Variants in CLSTN2 observed in about 807,000 individuals in gnomAD.
CLSTN2 encodes the protein calsyntenin-2.
CLSTN2 carries 48 observed loss-of-function variants against 101.2 expected under a neutral mutation model. The observed-to-expected ratio is 0.47, with a 90% CI of 0.38 to 0.60. CLSTN2 has a LOEUF of 0.60. Among genes scored for constraint, CLSTN2 ranks in the 20% least tolerant of loss-of-function variants. The pLI is 0.00. For missense variants in CLSTN2, 1,160 were observed against 1,238.2 expected (o/e 0.94, Z 0.95); for synonymous variants, 481 against 463.6 (o/e 1.04, Z -0.48).
chr3:140,236,009 A>C (rs932941873), intron 2 of CLSTN2, among the ~76,000 whole-genome samples: 1 of 152,118 alleles, frequency 6.6e-6, no homozygotes, highest in African/African-American at 2.4e-5. Context: ...TCCTGCCTGC[A>C]ACTCATTCTG....
chr3:140,262,762 G>A (rs934211272), intron 2 of CLSTN2, among the ~76,000 whole-genome samples: 2 of 152,146 alleles, frequency 1.3e-5, no homozygotes, highest in African/African-American at 4.8e-5. Context: ...AAAGGTTTTT[G>A]GTCTGGAAGC....
Position 140,532,342 on chromosome 3 carries a change from C to T in CLSTN2, c.1363C>T (p.His455Tyr). ...KLDQICDKEW[H>Y]YYVINVEFPV... is the part of the protein sequence containing the mutation. ...TTCTTAGATTTGTGACAAAGAGTGG[C>T]ACTACTATGTCATCAATGTGGAGTT... Residue 455 changes from histidine (H) to tyrosine (Y), a missense_variant, in exon 9 of 17, where the codon CAC becomes TAC. Transcript: ENST00000458420. 2.5e-6 allele frequency: 4 copies of T among 1,598,160 alleles called. No homozygotes were observed. Among genetic ancestry groups the T allele is most frequent in the Non-Finnish European group, 3.4e-6 (4 of 1,171,234 alleles).
intron 2 of CLSTN2, among the ~76,000 whole-genome samples, chr3:140,219,259 T>C (rs1464464037): frequency 1.3e-5 from 2 of 152,050 alleles, no homozygotes; most frequent in African/African-American, 4.8e-5. Context: ...GGGCCTCACA[T>C]GTGCAGCCAA....
At chr3:140,082,199 C>T (rs1308902507) in intron 1 of CLSTN2, among the ~76,000 whole-genome samples, 1 of 152,202 alleles carries the variant, frequency 6.6e-6, no homozygotes, top group Non-Finnish European at 1.5e-5. Context: ...GTAATCCTTT[C>T]TGCTTCACAC....
Position 140,550,139 on chromosome 3 carries a change from G to C in CLSTN2, c.1674+3458G>C, listed in dbSNP as rs1436440288. Among the ~76,000 whole-genome samples the C allele has an allele frequency of 2.0e-5, 3 of 151,668 alleles. No individual in the cohort carries two copies. The East Asian group carries it at 5.9e-4, about 30-fold the overall frequency. Reference sequence around the variant, plus strand: ...TCACTGCAGGAGGAAAAAGGTGGAAGGTGCCAGAGAGGTAGGCAGGGGCCA... The same window carrying C: ...TCACTGCAGGAGGAAAAAGGTGGAACGTGCCAGAGAGGTAGGCAGGGGCCA... On this transcript the variant is annotated intron_variant, in intron 10 of 16. Coordinates refer to ENST00000458420, the MANE Select transcript of CLSTN2 (RefSeq NM_022131.3).
chr3:139,987,924 GAGACA>G (rs1478485151), intron 1 of CLSTN2, among the ~76,000 whole-genome samples: 1 of 152,150 alleles, frequency 6.6e-6, no homozygotes, highest in African/African-American at 2.4e-5. Context: ...CCACAGTGAC[GAGACA>G]AGACAAGTAA....
intron 2 of CLSTN2, among the ~76,000 whole-genome samples, chr3:140,189,757 A>G (rs532110499): frequency 1.1e-4 from 17 of 152,082 alleles, no homozygotes; most frequent in Non-Finnish European, 2.4e-4. Context: ...CTTTATTTGT[A>G]TTTTTTGCCT....
chr3:140,429,406 A>T (rs2088604874), intron 5 of CLSTN2, among the ~76,000 whole-genome samples: 1 of 152,120 alleles, frequency 6.6e-6, no homozygotes, highest in Non-Finnish European at 1.5e-5. Context: ...ATGTTCCTGG[A>T]GCAAATCTAG....
intron 2 of CLSTN2, among the ~76,000 whole-genome samples, chr3:140,352,289 A>G (rs2087617232): frequency 1.3e-5 from 2 of 152,352 alleles, no homozygotes; most frequent in African/African-American, 4.8e-5. Flanking sequence ...CATTTGTTGG[A>G]AAAGCACAGG....
chr3:140,145,959 A>C (rs2009774777), intron 1 of CLSTN2, among the ~76,000 whole-genome samples: 1 of 152,162 alleles, frequency 6.6e-6, no homozygotes. Flanking sequence ...ACACTTTTCC[A>C]CAAGAAGCCT....
chr3:140,176,163 T>C lies in CLSTN2; in HGVS notation c.232+90T>C. 4 of 1,401,042 alleles carry C rather than the reference T, an allele frequency of 2.9e-6. No homozygotes were observed. The South Asian group carries it at 3.9e-5, about 14-fold the overall frequency. The allele number at this position is 1,401,042 out of a possible 1,614,324, so 86.8% of individuals were successfully genotyped here. On this transcript the variant is annotated intron_variant, in intron 2 of 16. Coordinates refer to ENST00000458420, the MANE Select transcript of CLSTN2 (RefSeq NM_022131.3). ...AAAGCCCAGAATATGGCTTTATAGC[T>C]ATTGTCACCACCCTGTGCATCTCTA...
At chr3:140,123,014 C>A (rs2009369084) in intron 1 of CLSTN2, among the ~76,000 whole-genome samples, 1 of 151,988 alleles carries the variant, frequency 6.6e-6, no homozygotes, top group African/African-American at 2.4e-5. Context: ...TACAACATTT[C>A]TAAGACTGTG....
intron 8 of CLSTN2, among the ~76,000 whole-genome samples, chr3:140,491,380 G>C (rs1488094262): frequency 2.0e-5 from 3 of 152,150 alleles, no homozygotes; most frequent in African/African-American, 7.2e-5. Context: ...GAGGGATATT[G>C]ATATACCAGC....
chr3:140,098,629 T>A (rs2008910713), intron 1 of CLSTN2, among the ~76,000 whole-genome samples: 1 of 152,194 alleles, frequency 6.6e-6, no homozygotes, highest in Admixed American at 6.5e-5. Flanking sequence ...TTTTATTCAT[T>A]CCCCCGGCTT....
At chr3:140,101,366 T>C (rs1392462376) in intron 1 of CLSTN2, among the ~76,000 whole-genome samples, 1 of 152,236 alleles carries the variant, frequency 6.6e-6, no homozygotes, top group Non-Finnish European at 1.5e-5. Flanking sequence ...AGTGTACATG[T>C]ACATTAAAAT....
chr3:140,440,501 G>A (rs1047749940), intron 5 of CLSTN2, among the ~76,000 whole-genome samples: 4 of 152,142 alleles, frequency 2.6e-5, no homozygotes, highest in Non-Finnish European at 4.4e-5. Context: ...AGAAGAAAAA[G>A]CCATGTAATT....
intron 1 of CLSTN2, among the ~76,000 whole-genome samples, chr3:140,172,360 A>G (rs2010252309): frequency 6.6e-6 from 1 of 152,072 alleles, no homozygotes; most frequent in Admixed American, 6.6e-5. Flanking sequence ...CAATGGAGAG[A>G]CCAGTCAGGA....
At chr3:140,247,119 G>A (rs1372616133) in intron 2 of CLSTN2, among the ~76,000 whole-genome samples, 1 of 152,152 alleles carries the variant, frequency 6.6e-6, no homozygotes, top group Non-Finnish European at 1.5e-5. Context: ...TTTCAGAAAA[G>A]TGAGCTGCAG....
intron 1 of CLSTN2, among the ~76,000 whole-genome samples, chr3:140,130,788 T>G (rs1251098701): frequency 2.6e-5 from 4 of 152,140 alleles, no homozygotes; most frequent in Non-Finnish European, 4.4e-5. Flanking sequence ...TATATTCCTG[T>G]GATATATTTT....
Sources: allele counts gnomAD v4.1 joint callset (sites outside exome capture counted in the v4.1 genomes callset), GRCh38; gene constraint gnomAD v4.1.1; transcripts MANE v1.5; gene names NCBI Gene and HGNC (gene_info 2026-07-23, HGNC 2026-07-21).